DPEP1: variants seen among roughly 807,000 people sequenced by gnomAD.
DPEP1 encodes dipeptidase 1.
Under a neutral mutation model 42.3 loss-of-function variants are expected in DPEP1, and 50 were observed. The observed-to-expected ratio is 1.18, with a 90% CI of 0.94 to 1.50. DPEP1 has a LOEUF of 1.50. DPEP1 is among the 40% of genes most tolerant of loss of function. DPEP1 has a pLI of 0.00. For synonymous variants in DPEP1, 297 were observed against 234.0 expected (o/e 1.27, Z -2.46); for missense variants, 663 against 553.0 (o/e 1.20, Z -1.99).
chr16:89,620,989 A>C (rs2059440935), intron 1 of DPEP1, among the ~76,000 whole-genome samples: 1 of 152,224 alleles, frequency 6.6e-6, no homozygotes, highest in South Asian at 2.1e-4. Flanking sequence ...AGAGTCTCAG[A>C]GGATGGAACC....
intron 2 of DPEP1, among the ~76,000 whole-genome samples, 160 bp from the exon 3 acceptor site, chr16:89,635,748 C>T (rs934456588): frequency 1.3e-5 from 2 of 152,236 alleles, no homozygotes; most frequent in East Asian, 3.9e-4. Flanking sequence ...CAGGTGTGTT[C>T]AGGTGGCCGG....
chr16:89,615,912 C>T (rs1292009659), intron 1 of DPEP1, among the ~76,000 whole-genome samples: 1 of 152,102 alleles, frequency 6.6e-6, no homozygotes, highest in Non-Finnish European at 1.5e-5. Context: ...TTCACAGGCC[C>T]ATTTCACAGA....
intron 5 of DPEP1, 78 bp downstream of exon 5, chr16:89,636,761 C>A: frequency 6.2e-7 from 1 of 1,601,228 alleles, no homozygotes; most frequent in South Asian, 1.1e-5. Flanking sequence ...CCCTCCAGAG[C>A]CCATCCCCTC....
chr16:89,636,162 G>C, intron 3 of DPEP1, 102 bp from the exon 4 acceptor site: 1 of 1,550,690 alleles, frequency 6.4e-7, no homozygotes, highest in Non-Finnish European at 8.7e-7. Context: ...CCCAGGCCGA[G>C]GGAGGGCTTC....
At chr16:89,622,524 G>T (rs1014141403) in intron 1 of DPEP1, among the ~76,000 whole-genome samples, 1 of 152,236 alleles carries the variant, frequency 6.6e-6, no homozygotes, top group South Asian at 2.1e-4. Flanking sequence ...AGTGGCTCAC[G>T]CCTGTAATCC....
downstream of DPEP1, among the ~76,000 whole-genome samples, chr16:89,641,313 C>T (rs1471182918): frequency 2.6e-5 from 4 of 152,060 alleles, no homozygotes; most frequent in Admixed American, 6.6e-5. Flanking sequence ...ATTCCCTTTC[C>T]GGCTCTGCTA....
chr16:89,636,303 G>C lies in DPEP1; in HGVS notation c.277G>C (p.Asp93His), dbSNP rs1229662553. 1.2e-6 allele frequency: 2 copies of C among 1,612,038 alleles called. No homozygotes were observed. The highest frequency in any genetic ancestry group is 1.7e-5 in the Admixed American group (1 of 59,904). The change falls in exon 4 of 11, where the codon GAC becomes CAC. Residue 93 changes from aspartate to histidine, a missense_variant. By Grantham distance (81) the Asp-to-His change is moderately conservative. Transcript: ENST00000690203. Reference sequence around the variant, plus strand: ...CACGCCCTGCGACACCCAGAACAAAGACGCCGTGCGGAGGACGCTGGAGCA... The same window carrying C: ...CACGCCCTGCGACACCCAGAACAAACACGCCGTGCGGAGGACGCTGGAGCA... ...VYTPCDTQNK[D>H]AVRRTLEQMD...
At chr16:89,628,824 G>A (rs2059549164) in intron 1 of DPEP1, among the ~76,000 whole-genome samples, 1 of 151,826 alleles carries the variant, frequency 6.6e-6, no homozygotes, top group Non-Finnish European at 1.5e-5. Flanking sequence ...GGCGGTTTGT[G>A]TTTTGTTTGT....
At chr16:89,615,446 G>A (rs2059371915) in intron 1 of DPEP1, among the ~76,000 whole-genome samples, 1 of 152,232 alleles carries the variant, frequency 6.6e-6, no homozygotes, top group Admixed American at 6.5e-5. Context: ...CCATGAGCCA[G>A]GGGGCTGGAC....
intron 9 of DPEP1, 52 bp downstream of exon 9, chr16:89,637,759 C>T (rs775091942): frequency 7.6e-5 from 123 of 1,612,776 alleles, no homozygotes; most frequent in African/African-American, 4.0e-4. Context: ...TTCATGGCCT[C>T]GTCAGAGGGA....
intron 1 of DPEP1, among the ~76,000 whole-genome samples, chr16:89,618,334 G>A (rs73263361): frequency 3.3e-5 from 5 of 151,966 alleles, no homozygotes; most frequent in Non-Finnish European, 5.9e-5. Flanking sequence ...TTCCTGCCTC[G>A]GTCTGCTATG....
intron 2 of DPEP1, among the ~76,000 whole-genome samples, chr16:89,632,496 G>A (rs1411213101): frequency 6.6e-6 from 1 of 152,192 alleles, no homozygotes; most frequent in Non-Finnish European, 1.5e-5. Context: ...AAAGGAAAAG[G>A]AGGAGAATGG....
chr16:89,616,290 G>C (rs1174157708), intron 1 of DPEP1, among the ~76,000 whole-genome samples: 1 of 152,100 alleles, frequency 6.6e-6, no homozygotes, highest in African/African-American at 2.4e-5. Context: ...CTGTGCCCTG[G>C]AAGGACACAG....
chr16:89,617,047 G>A lies in DPEP1; in HGVS notation c.-107+3328G>A, dbSNP rs560366340. 50 of 216,400 alleles carry A rather than the reference G, an allele frequency of 2.3e-4. No individual in the cohort carries two copies. The East Asian group carries it at 8.1e-3, about 35-fold the overall frequency. 13.4% of individuals were successfully genotyped at this position (216,400 alleles called of 1,614,324 possible). On this transcript the variant is annotated intron_variant, in intron 1 of 10. Coordinates refer to ENST00000690203, the MANE Select transcript of DPEP1 (RefSeq NM_001389466.1). ...CAGAAGGGGAAGGGAGGGGTGGGGTGATGGGACTGCAGTGAAGGTCTGGCC... is the reference window on the plus strand; with the variant it reads ...CAGAAGGGGAAGGGAGGGGTGGGGTAATGGGACTGCAGTGAAGGTCTGGCC...
Position 89,635,992 on chromosome 16 carries a change from C to T in DPEP1, c.189C>T (p.Gly63=), listed in dbSNP as rs780027171. The change falls in exon 3 of 11, where the codon GGC becomes GGT. Residue 63 remains glycine, a synonymous_variant. Transcript: ENST00000690203. ...GGGCCAACCTGACCACCTTGGCCGG[C>T]ACACACACCAACATCCCCAAGCTGA... ...DERANLTTLA[G]THTNIPKLRA... 1.2e-6 allele frequency: 2 copies of T among 1,612,272 alleles called. No individual in the cohort carries two copies. The highest frequency in any genetic ancestry group is 1.7e-6 in the Non-Finnish European group (2 of 1,179,752).
At chr16:89,639,417 T>C (rs1597779995), downstream of DPEP1, among the ~76,000 whole-genome samples, 2 of 5,152 alleles carry the variant, frequency 3.9e-4, no homozygotes, top group Admixed American at 2.9e-3. Context: ...CCCCCACCCC[T>C]ACACACCACC....
At chr16:89,625,017 A>C (rs1274931693) in intron 1 of DPEP1, among the ~76,000 whole-genome samples, 1 of 152,158 alleles carries the variant, frequency 6.6e-6, no homozygotes, top group African/African-American at 2.4e-5. Flanking sequence ...GTACGAGAGC[A>C]GCCTTTGATC....
chr16:89,626,428 G>C (rs748812587), intron 1 of DPEP1: 1 of 152,106 alleles, frequency 6.6e-6, no homozygotes, highest in African/African-American at 2.4e-5. Context: ...TTGGCTCCCC[G>C]CAACCTCCAC....
At chr16:89,636,231 G>A (rs2059676638) in intron 3 of DPEP1, 33 bp from the exon 4 acceptor site, 2 of 1,588,414 alleles carry the variant, frequency 1.3e-6, no homozygotes, top group Non-Finnish European at 1.7e-6. Context: ...AGACCTGGCT[G>A]CATCAGCTCC....
Sources: gnomAD v4.1 joint callset for allele counts (sites outside exome capture counted in the v4.1 genomes callset) on GRCh38, gnomAD v4.1.1 for gene constraint, MANE v1.5 for transcripts, NCBI Gene and HGNC (gene_info 2026-07-23, HGNC 2026-07-21) for gene names.